Variants in NTNG1 observed in about 807,000 individuals in gnomAD.
NTNG1 encodes netrin G1.
NTNG1 carries 16 observed loss-of-function variants against 54.0 expected under a neutral mutation model. The observed-to-expected ratio is 0.30, with a 90% CI of 0.20 to 0.45. The LOEUF (loss-of-function observed/expected upper bound fraction) is 0.45, where lower values mean the gene tolerates loss of function less well. NTNG1 is among the 20% of genes least tolerant of loss of function. The pLI, the probability that NTNG1 is intolerant of heterozygous loss-of-function variation, is 1.00. For missense variants in NTNG1, 530 were observed against 678.7 expected (o/e 0.78, Z 2.43); for synonymous variants, 255 against 263.1 (o/e 0.97, Z 0.30).
At chr1:107,276,398 A>T (rs1341910014) in intron 2 of NTNG1, among the ~76,000 whole-genome samples, 1 of 151,934 alleles carries the variant, frequency 6.6e-6, no homozygotes, top group Non-Finnish European at 1.5e-5. Flanking sequence ...CACATATCCC[A>T]CATACTTGCC....
intron 3 of NTNG1, among the ~76,000 whole-genome samples, chr1:107,347,665 T>A (rs1481785569): frequency 1.3e-5 from 2 of 152,196 alleles, no homozygotes; most frequent in African/African-American, 4.8e-5. Context: ...CTCACACTGC[T>A]ATGAAGAAAT....
At chr1:107,442,621 A>G (rs1365071726) in intron 7 of NTNG1, among the ~76,000 whole-genome samples, 2 of 137,620 alleles carry the variant, frequency 1.5e-5, no homozygotes, top group Non-Finnish European at 3.2e-5. Flanking sequence ...TCAATTTTAG[A>G]CAGTATATTA....
chr1:107,369,664 C>T (rs986955539), intron 3 of NTNG1, among the ~76,000 whole-genome samples: 4 of 152,064 alleles, frequency 2.6e-5, no homozygotes, highest in African/African-American at 7.2e-5. Context: ...CACATGTATG[C>T]TTTGCAAATA....
chr1:107,423,050 CT>C (rs1185174443), intron 5 of NTNG1, among the ~76,000 whole-genome samples: 1 of 152,002 alleles, frequency 6.6e-6, no homozygotes, highest in Non-Finnish European at 1.5e-5. Context: ...CAAAAGGAAC[CT>C]TTTAAACCTT....
intron 2 of NTNG1, among the ~76,000 whole-genome samples, chr1:107,200,497 C>T (rs1658666209): frequency 1.8e-3 from 1 of 556 alleles, no homozygotes; most frequent in Non-Finnish European, 0.021. Flanking sequence ...TGCAGGGGAA[C>T]ATTAGGGAAC....
chr1:107,218,184 T>A (rs1003320694), intron 2 of NTNG1, among the ~76,000 whole-genome samples: 1 of 152,224 alleles, frequency 6.6e-6, no homozygotes, highest in South Asian at 2.1e-4. Context: ...GTTGGACTAG[T>A]TCTTTTATCA....
At chr1:107,386,238 C>T (rs1018663267) in intron 3 of NTNG1, among the ~76,000 whole-genome samples, 47 of 150,002 alleles carry the variant, frequency 3.1e-4, no homozygotes, top group Admixed American at 8.0e-4. Context: ...GGCATGATCT[C>T]GGCTCACTGC....
intron 2 of NTNG1, among the ~76,000 whole-genome samples, chr1:107,231,521 A>C (rs1487588443): frequency 1.3e-5 from 2 of 152,212 alleles, no homozygotes; most frequent in African/African-American, 4.8e-5. Context: ...GGGCTAATTC[A>C]TCTCAGATGG....
At position 107,236,370 on chromosome 1, in the gene NTNG1, A is replaced by ACAGG. The variant is rs1263000970; in HGVS notation, c.246+87539_246+87542dup. Among the ~76,000 whole-genome samples, 3 of 152,300 alleles carry ACAGG rather than the reference A, an allele frequency of 2.0e-5. No individual in the cohort carries two copies. In the East Asian group the frequency reaches 5.8e-4, roughly 29 times the overall value. ...GAAGGAAGAGGTTATAAGTCAGAAA[A>ACAGG]CAGGCAGGCAGACAGACCTAAGGCA... On this transcript the variant is annotated intron_variant, in intron 2 of 7. Coordinates refer to ENST00000370068, the MANE Select transcript of NTNG1 (RefSeq NM_001113226.3).
chr1:107,236,079 C>T (rs1661394174), intron 2 of NTNG1, among the ~76,000 whole-genome samples: 1 of 152,052 alleles, frequency 6.6e-6, no homozygotes, highest in African/African-American at 2.4e-5. Flanking sequence ...CACACACACA[C>T]AGACACACAA....
At chr1:107,295,855 T>G (rs1039366297) in intron 2 of NTNG1, among the ~76,000 whole-genome samples, 1 of 152,176 alleles carries the variant, frequency 6.6e-6, no homozygotes, top group Non-Finnish European at 1.5e-5. Context: ...GGCTGCTAAC[T>G]GCCTAATTCA....
At chr1:107,475,639 A>G (rs1678268732) in intron 7 of NTNG1, among the ~76,000 whole-genome samples, 1 of 152,202 alleles carries the variant, frequency 6.6e-6, no homozygotes, top group South Asian at 2.1e-4. Flanking sequence ...CTGATCTAGA[A>G]ATGACAAAGT....
chr1:107,164,245 C>T (rs1291331401), intron 2 of NTNG1, among the ~76,000 whole-genome samples: 1 of 152,212 alleles, frequency 6.6e-6, no homozygotes, highest in Non-Finnish European at 1.5e-5. Context: ...GGTTGGACTT[C>T]CTTGTGCTGG....
intron 2 of NTNG1, among the ~76,000 whole-genome samples, chr1:107,162,656 G>A (rs1327444421): frequency 6.6e-6 from 1 of 151,916 alleles, no homozygotes; most frequent in African/African-American, 2.4e-5. Context: ...TTACACAGGG[G>A]GCAACAAATT....
intron 2 of NTNG1, among the ~76,000 whole-genome samples, chr1:107,296,775 GT>G (rs1665968187): frequency 1.4e-5 from 2 of 147,356 alleles, no homozygotes; most frequent in Non-Finnish European, 1.5e-5. Flanking sequence ...TATATGTTAT[GT>G]AATATAAAAT....
intron 3 of NTNG1, among the ~76,000 whole-genome samples, chr1:107,382,071 T>C (rs1671678746): frequency 6.9e-6 from 1 of 144,114 alleles, no homozygotes; most frequent in African/African-American, 2.5e-5. Flanking sequence ...ATAGAATGGA[T>C]TGATGGGCTG....
intron 2 of NTNG1, among the ~76,000 whole-genome samples, chr1:107,152,754 T>G (rs1654675303): frequency 6.6e-6 from 1 of 152,226 alleles, no homozygotes; most frequent in African/African-American, 2.4e-5. Flanking sequence ...GGACATTAAA[T>G]GTTTCCCTTG....
intron 2 of NTNG1, among the ~76,000 whole-genome samples, chr1:107,304,851 C>A (rs534642166): frequency 5.9e-5 from 9 of 152,080 alleles, no homozygotes; most frequent in African/African-American, 1.7e-4. Context: ...TCATCATCTA[C>A]ATTAGGTATT....
At chr1:107,457,826 C>A (rs2101525203) in intron 7 of NTNG1, among the ~76,000 whole-genome samples, 1 of 152,152 alleles carries the variant, frequency 6.6e-6, no homozygotes, top group Admixed American at 6.5e-5. Context: ...GCCGTAACAT[C>A]TAAGAAAAAG....
Sources: gnomAD v4.1 joint callset for allele counts (sites outside exome capture counted in the v4.1 genomes callset) on GRCh38, gnomAD v4.1.1 for gene constraint, MANE v1.5 for transcripts, NCBI Gene and HGNC (gene_info 2026-07-23, HGNC 2026-07-21) for gene names.